The following CACNA1I variants were observed in gnomAD, a reference collection of about 807,000 sequenced individuals.
The protein encoded by CACNA1I is voltage-dependent T-type calcium channel subunit alpha-1I.
CACNA1I carries 74 observed loss-of-function variants against 201.6 expected under a neutral mutation model. The observed-to-expected ratio is 0.37, with a 90% CI of 0.30 to 0.45. The LOEUF is 0.45. Among genes scored for constraint, CACNA1I ranks in the 20% least tolerant of loss-of-function variants. The pLI is 1.00. For synonymous variants in CACNA1I, 1,431 were observed against 1,345.2 expected (o/e 1.06, Z -1.40); for missense variants, 2,346 against 3,138.1 (o/e 0.75, Z 6.03).
chr22:39,664,032 G>C, intron 19 of CACNA1I, 59 bp from the exon 20 acceptor site: 1 of 1,566,004 alleles, frequency 6.4e-7, no homozygotes. Flanking sequence ...GCAGCGGCTG[G>C]CCAGTGGCCG....
intron 3 of CACNA1I, among the ~76,000 whole-genome samples, chr22:39,601,711 C>T (rs1216535683): frequency 1.3e-5 from 2 of 151,658 alleles, no homozygotes; most frequent in Admixed American, 1.3e-4. Flanking sequence ...TGTGAGAATC[C>T]CATCAGGTAT....
At chr22:39,583,678 T>A (rs1280516653) in intron 1 of CACNA1I, among the ~76,000 whole-genome samples, 2 of 152,248 alleles carry the variant, frequency 1.3e-5, no homozygotes, top group African/African-American at 2.4e-5. Flanking sequence ...AGATGCTTGT[T>A]GATTATCCTT....
chr22:39,578,040 T>C (rs1932418497), intron 1 of CACNA1I, among the ~76,000 whole-genome samples: 1 of 151,858 alleles, frequency 6.6e-6, no homozygotes, highest in Non-Finnish European at 1.5e-5. Context: ...GCTGACGGAG[T>C]CGCTGACAGG....
In CACNA1I at chr22:39,648,290, G is replaced by A. The variant is rs1041553743; in HGVS notation, c.1567+364G>A. Among the ~76,000 whole-genome samples the A allele has an allele frequency of 3.9e-5, 6 of 152,120 alleles. No homozygotes were observed. Among genetic ancestry groups the A allele is most frequent in the Admixed American group, 1.3e-4 (2 of 15,286 alleles). Reference sequence around the variant, plus strand: ...CCCCAGGTGGCCCGTGGGCAGGCCCGGCATGCGGACACAGGAGCTGGGGCC... The same window carrying A: ...CCCCAGGTGGCCCGTGGGCAGGCCCAGCATGCGGACACAGGAGCTGGGGCC... On this transcript the variant is annotated intron_variant, in intron 9 of 36. Transcript: ENST00000402142. The surrounding 1 kb of genome is among the most constrained non-coding windows in gnomAD (Gnocchi z 5.4).
intron 3 of CACNA1I, among the ~76,000 whole-genome samples, chr22:39,609,284 C>T (rs1466849333): frequency 6.6e-6 from 1 of 152,186 alleles, no homozygotes; most frequent in Non-Finnish European, 1.5e-5. Flanking sequence ...AGCTTAGCTC[C>T]ACCAGCTCCA....
At chr22:39,576,578 T>C (rs1319858903) in intron 1 of CACNA1I, among the ~76,000 whole-genome samples, 1 of 152,214 alleles carries the variant, frequency 6.6e-6, no homozygotes, top group Non-Finnish European at 1.5e-5. Flanking sequence ...CAGTGGCGCT[T>C]CTGCTGTGGT....
intron 10 of CACNA1I, among the ~76,000 whole-genome samples, chr22:39,655,709 C>A (rs1353616140): frequency 6.6e-6 from 1 of 152,148 alleles, no homozygotes; most frequent in East Asian, 1.9e-4. Context: ...CCTCCCTCTC[C>A]ATGTCCCCTC....
At chr22:39,619,437 C>T in intron 4 of CACNA1I, 30 bp downstream of exon 4, 2 of 1,540,660 alleles carry the variant, frequency 1.3e-6, no homozygotes, top group Non-Finnish European at 1.8e-6. Flanking sequence ...TCCACACATT[C>T]CTGGCTGATC....
chr22:39,612,131 G>A (rs1373548637), intron 3 of CACNA1I, among the ~76,000 whole-genome samples: 1 of 152,112 alleles, frequency 6.6e-6, no homozygotes, highest in Non-Finnish European at 1.5e-5. Context: ...TGCCATTATT[G>A]TGGGAGTGGG....
chr22:39,583,844 A>C (rs1054495652), intron 1 of CACNA1I, among the ~76,000 whole-genome samples: 1 of 152,258 alleles, frequency 6.6e-6, no homozygotes, highest in Non-Finnish European at 1.5e-5. Context: ...GATGGGTTCC[A>C]TGTTCCAAGA....
At chr22:39,575,019 C>T (rs972822131) in intron 1 of CACNA1I, among the ~76,000 whole-genome samples, 2 of 152,240 alleles carry the variant, frequency 1.3e-5, no homozygotes, top group African/African-American at 4.8e-5. Context: ...GCTGCTGGGA[C>T]CCTTGTGGAG....
intron 4 of CACNA1I, among the ~76,000 whole-genome samples, chr22:39,631,255 G>A (rs1934053813): frequency 6.6e-6 from 1 of 152,176 alleles, no homozygotes; most frequent in Non-Finnish European, 1.5e-5. Flanking sequence ...CTCATGTCCT[G>A]GGTCTGTGCT....
chr22:39,662,582 CA>C (rs1935061184), intron 17 of CACNA1I, 147 bp downstream of exon 17: 1 of 719,318 alleles, frequency 1.4e-6, no homozygotes, highest in Admixed American at 2.9e-5. Context: ...AGGTGTGAGG[CA>C]GGAGGGGTGG....
chr22:39,585,589 C>G (rs1437889359), intron 1 of CACNA1I, among the ~76,000 whole-genome samples: 1 of 146,558 alleles, frequency 6.8e-6, no homozygotes, highest in Non-Finnish European at 1.5e-5. Flanking sequence ...AGTTTCACCA[C>G]GTTGACCAGG....
chr22:39,597,384 G>C (rs1335830257), intron 1 of CACNA1I, among the ~76,000 whole-genome samples: 1 of 152,212 alleles, frequency 6.6e-6, no homozygotes, highest in African/African-American at 2.4e-5. Context: ...GGCATTCATG[G>C]AGGGGCTCTC....
At chr22:39,573,490 G>T (rs1278528312) in intron 1 of CACNA1I, among the ~76,000 whole-genome samples, 1 of 152,030 alleles carries the variant, frequency 6.6e-6, no homozygotes, top group Non-Finnish European at 1.5e-5. Flanking sequence ...TGTCTGCCAT[G>T]TGTGTGACCC....
rs148101174 is a variant in CACNA1I at position 39,688,056 on chromosome 22, C to T, written c.*1651C>T. ...GACTTGGAAGAACTCAGCTTGTGGC[C>T]GGGCTGGTGAGGGTGTGGGGTGCGC... On this transcript the variant is annotated 3_prime_UTR_variant, in exon 37 of 37. Transcript: ENST00000402142. This position sits in a 1 kb window ranked among gnomAD's most constrained non-coding sequence, Gnocchi z 4.8. 3.3e-5 allele frequency: 5 copies of T among 152,274 alleles called. No homozygotes were observed. The East Asian group carries it at 5.8e-4, about 18-fold the overall frequency. The allele number at this position is 152,274 out of a possible 1,614,324, so 9.4% of individuals were successfully genotyped here.
chr22:39,610,825 C>T (rs533886750), intron 3 of CACNA1I, among the ~76,000 whole-genome samples: 8 of 152,132 alleles, frequency 5.3e-5, no homozygotes, highest in East Asian at 1.9e-4. Context: ...GGCTCAGTGC[C>T]GACTCCCTCC....
chr22:39,585,547 G>A (rs969059401), intron 1 of CACNA1I, among the ~76,000 whole-genome samples: 12 of 149,600 alleles, frequency 8.0e-5, no homozygotes, highest in Non-Finnish European at 1.3e-4. Context: ...GAGCCACCAC[G>A]CCCAGATAAA....
Sources: gnomAD v4.1 joint callset for allele counts (sites outside exome capture counted in the v4.1 genomes callset) on GRCh38, gnomAD v4.1.1 for gene constraint, Gnocchi (gnomAD v3.1) non-coding constraint, MANE v1.5 for transcripts, NCBI Gene and HGNC (gene_info 2026-07-23, HGNC 2026-07-21) for gene names.